The following RUNDC3B variants were observed in gnomAD, a reference collection of about 807,000 sequenced individuals.
RUNDC3B encodes RUN domain-containing protein 3B.
RUNDC3B carries 33 observed loss-of-function variants against 58.4 expected under a neutral mutation model. The ratio of observed to expected loss-of-function variants is 0.56; its 90% CI spans 0.43 to 0.75. RUNDC3B has a LOEUF of 0.75. Among genes scored for constraint, RUNDC3B ranks in the 30% least tolerant of loss-of-function variants. The probability of loss-of-function intolerance (pLI) is 0.00; values close to 1 mark genes in which losing one functional copy is unlikely to be tolerated. For synonymous variants in RUNDC3B, 193 were observed against 195.2 expected (o/e 0.99, Z 0.10); for missense variants, 501 against 535.7 (o/e 0.94, Z 0.64).
intron 6 of RUNDC3B, among the ~76,000 whole-genome samples, chr7:87,756,175 A>T (rs577740322): frequency 9.2e-5 from 14 of 152,196 alleles, no homozygotes; most frequent in African/African-American, 3.1e-4. Flanking sequence ...CAAATTAAGT[A>T]TTAAGTCCTT....
chr7:87,691,589 T>C (rs1370855582), intron 2 of RUNDC3B, among the ~76,000 whole-genome samples: 1 of 152,222 alleles, frequency 6.6e-6, no homozygotes. Flanking sequence ...AAACAAGCCC[T>C]GGGCCACTTT....
At chr7:87,655,428 A>G (rs1823997934) in intron 2 of RUNDC3B, among the ~76,000 whole-genome samples, 1 of 152,152 alleles carries the variant, frequency 6.6e-6, no homozygotes, top group South Asian at 2.1e-4. Flanking sequence ...GACAACATGG[A>G]TGACCCAGGA....
In RUNDC3B at chr7:87,818,805, A is replaced by T. The variant is rs1255248048; in HGVS notation, c.1225+2543A>T. The stretch of plus-strand genomic sequence containing the variant: ...AATCACCTCTAGAAAGATAAAGTCA[A>T]CCCTAAGTGTGAACATATGAAAACA... On this transcript the variant is annotated intron_variant, in intron 10 of 10. Transcript: ENST00000394654. 3.3e-5 allele frequency among the ~76,000 whole-genome samples: 5 copies of T among 152,310 alleles called. No homozygotes were observed. In the East Asian group the frequency reaches 9.6e-4, roughly 29 times the overall value.
At position 87,829,986 on chromosome 7, in the gene RUNDC3B, A is replaced by C. The variant is rs1489466700; in HGVS notation, c.1327A>C (p.Ser443Arg). The change falls in exon 11 of 11, where the codon AGT becomes CGT. Residue 443 changes from serine to arginine, a missense_variant. Coordinates refer to ENST00000394654, the MANE Select transcript of RUNDC3B (RefSeq NM_001134405.2). ...TSLKSNDYLA[S>R]PTTEMTSPGL... ...CTTAAAATCTAATGACTACCTTGCA[A>C]GTCCTACAACAGAGATGACAAGTCC... 5 of 1,610,592 alleles carry C rather than the reference A, an allele frequency of 3.1e-6. No homozygotes were observed. The highest frequency in any genetic ancestry group is 4.2e-6 in the Non-Finnish European group (5 of 1,178,260).
chr7:87,649,601 G>A (rs1823367275), intron 1 of RUNDC3B, among the ~76,000 whole-genome samples: 1 of 152,172 alleles, frequency 6.6e-6, no homozygotes, highest in African/African-American at 2.4e-5. Context: ...GTCAAAAATA[G>A]AGACAAAGGA....
chr7:87,741,524 G>A lies in RUNDC3B; in HGVS notation c.574G>A (p.Asp192Asn). The change falls in exon 6 of 11, where the codon GAT becomes AAT. Residue 192 changes from aspartate to asparagine, a missense_variant. By Grantham distance (23) the Asp-to-Asn change is conservative (BLOSUM62 1). Transcript: ENST00000394654. The part of the protein sequence containing the change: ...FSFCLKGEGL[D>N]GSFPAVIDYT... ...TTTCTGCCTAAAGGGAGAGGGGCTG[G>A]ATGGCAGTTTTCCTGCTGTAATAGA... The A allele has an allele frequency of 1.3e-6, 2 of 1,584,730 alleles. No homozygotes were observed. The highest frequency in any genetic ancestry group is 1.7e-6 in the Non-Finnish European group (2 of 1,158,934).
At chr7:87,808,120 TA>T (rs1400493561) in intron 9 of RUNDC3B, among the ~76,000 whole-genome samples, 8 of 152,292 alleles carry the variant, frequency 5.3e-5, no homozygotes, top group African/African-American at 1.9e-4. Flanking sequence ...TTTTGGCTTT[TA>T]GCCACTTTTC....
chr7:87,791,346 A>G (rs1171511724), intron 8 of RUNDC3B, among the ~76,000 whole-genome samples: 1 of 152,152 alleles, frequency 6.6e-6, no homozygotes, highest in Non-Finnish European at 1.5e-5. Context: ...GAGATCTTCA[A>G]TCTTCATGAA....
intron 6 of RUNDC3B, among the ~76,000 whole-genome samples, chr7:87,762,067 G>C (rs1414686807): frequency 6.6e-6 from 1 of 151,464 alleles, no homozygotes; most frequent in African/African-American, 2.4e-5. Context: ...GGGGTATTTT[G>C]TTTTTGTTTT....
rs1178519588 is a variant in RUNDC3B, at chr7:87,680,520, C to T, written c.239-19901C>T. ...AAGAAACTAAAAAAGGGGCCGGGCCCGGTGGCTCACGCCTGTAATCCCAGC... is the reference window on the plus strand; with the variant it reads ...AAGAAACTAAAAAAGGGGCCGGGCCTGGTGGCTCACGCCTGTAATCCCAGC... On this transcript the variant is annotated intron_variant, in intron 2 of 10. Transcript: ENST00000394654. Among the ~76,000 whole-genome samples the T allele has an allele frequency of 2.7e-5, 4 of 150,742 alleles. 1 individual carries two copies. Among genetic ancestry groups the T allele is most frequent in the Non-Finnish European group, 5.9e-5 (4 of 67,880 alleles).
intron 3 of RUNDC3B, among the ~76,000 whole-genome samples, chr7:87,709,891 C>T (rs188696380): frequency 7.9e-5 from 12 of 152,162 alleles, no homozygotes; most frequent in African/African-American, 1.4e-4. Flanking sequence ...ATAGAAAGTC[C>T]GTAAGAAAAT....
chr7:87,816,401 GT>G, intron 10 of RUNDC3B, 139 bp downstream of exon 10: 1 of 619,462 alleles, frequency 1.6e-6, no homozygotes, highest in Non-Finnish European at 2.7e-6. Flanking sequence ...ATTAAAAATG[GT>G]CTGCCTTTGT....
intron 4 of RUNDC3B, among the ~76,000 whole-genome samples, chr7:87,723,333 AAT>A (rs977289174): frequency 5.3e-5 from 8 of 152,320 alleles, no homozygotes; most frequent in Middle Eastern, 6.8e-3. Context: ...ATATTCAAAA[AAT>A]AGTTAATTTT....
intron 2 of RUNDC3B, among the ~76,000 whole-genome samples, chr7:87,675,382 C>A (rs772160036): frequency 6.6e-5 from 10 of 152,076 alleles, no homozygotes; most frequent in Non-Finnish European, 1.5e-4. Context: ...AACCTCCAGT[C>A]TTGAGTAGCC....
chr7:87,772,451 T>C (rs1014578587), intron 7 of RUNDC3B, among the ~76,000 whole-genome samples: 1 of 152,116 alleles, frequency 6.6e-6, no homozygotes, highest in African/African-American at 2.4e-5. Context: ...CATAAGAACA[T>C]AGATAATAGT....
intron 6 of RUNDC3B, among the ~76,000 whole-genome samples, chr7:87,751,241 C>A (rs954184454): frequency 6.6e-6 from 1 of 151,954 alleles, no homozygotes; most frequent in Non-Finnish European, 1.5e-5. Flanking sequence ...TGATCTATAT[C>A]TCTGTTTTGG....
intron 6 of RUNDC3B, among the ~76,000 whole-genome samples, chr7:87,760,514 C>T (rs899695925): frequency 6.6e-6 from 1 of 152,008 alleles, no homozygotes; most frequent in African/African-American, 2.4e-5. Flanking sequence ...GCAAGGGACT[C>T]TAAATAGCCA....
intron 10 of RUNDC3B, among the ~76,000 whole-genome samples, chr7:87,821,081 GA>G (rs1288177045): frequency 6.6e-6 from 1 of 150,552 alleles, no homozygotes; most frequent in African/African-American, 2.5e-5. Flanking sequence ...ATTCAATTAG[GA>G]AAAGAGGAAG....
intron 6 of RUNDC3B, among the ~76,000 whole-genome samples, chr7:87,760,137 T>C (rs1833596948): frequency 6.6e-6 from 1 of 150,622 alleles, no homozygotes; most frequent in Non-Finnish European, 1.5e-5. Flanking sequence ...TCAATTACCA[T>C]AACTATAACT....
Sources: allele counts gnomAD v4.1 joint callset (sites outside exome capture counted in the v4.1 genomes callset), GRCh38; gene constraint gnomAD v4.1.1; transcripts MANE v1.5; gene names NCBI Gene and HGNC (gene_info 2026-07-23, HGNC 2026-07-21).